The following RMND5A variants were observed in gnomAD, a reference collection of about 807,000 sequenced individuals.
RMND5A encodes E3 ubiquitin-protein transferase RMND5A.
A neutral mutation model predicts 49.7 loss-of-function variants in RMND5A; 17 were observed. The ratio of observed to expected loss-of-function variants is 0.34; its 90% CI spans 0.23 to 0.51. The LOEUF is 0.51. RMND5A is among the 20% of genes least tolerant of loss of function. RMND5A has a pLI of 0.96. For synonymous variants in RMND5A, 156 were observed against 167.7 expected (o/e 0.93, Z 0.54); for missense variants, 255 against 471.3 (o/e 0.54, Z 4.25).
intron 4 of RMND5A, among the ~76,000 whole-genome samples, chr2:86,759,267 G>T (rs768107731): frequency 5.3e-5 from 8 of 152,182 alleles, no homozygotes; most frequent in African/African-American, 1.4e-4. Context: ...AGGTAACTGT[G>T]TGCCAAGTCT....
intron 4 of RMND5A, among the ~76,000 whole-genome samples, chr2:86,754,551 T>C (rs1681695256): frequency 6.6e-6 from 1 of 152,180 alleles, no homozygotes; most frequent in Non-Finnish European, 1.5e-5. Flanking sequence ...GCTTAGTTTT[T>C]TCTTTCTAAT....
chr2:86,770,015 T>C lies in RMND5A; in HGVS notation c.855-8T>C. 1 of 1,610,808 alleles carries C rather than the reference T, an allele frequency of 6.2e-7. No homozygotes were observed. On this transcript the variant is annotated splice_polypyrimidine_tract_variant and splice_region_variant and intron_variant, in intron 6 of 8. Transcript: ENST00000283632. ...CTGGCACTGACGTTTCCTCTTCTGC[T>C]CTCCCAGTTTCTCAGCAGGTTGTGT...
chr2:86,760,997 TG>T (rs1672478983), intron 4 of RMND5A, among the ~76,000 whole-genome samples: 15 of 151,224 alleles, frequency 9.9e-5, no homozygotes, highest in Admixed American at 9.9e-4. Context: ...TGTGTGTGTG[TG>T]TGTGTGAATC....
chr2:86,754,295 C>A (rs1681692048), intron 4 of RMND5A, among the ~76,000 whole-genome samples: 1 of 152,210 alleles, frequency 6.6e-6, no homozygotes, highest in Non-Finnish European at 1.5e-5. Context: ...TTGCTGGCCC[C>A]AGTCCTAAAA....
intron 6 of RMND5A, among the ~76,000 whole-genome samples, chr2:86,767,078 T>G (rs900149318): frequency 6.6e-6 from 1 of 152,168 alleles, no homozygotes; most frequent in Admixed American, 6.5e-5. Context: ...TTTTCTTGCT[T>G]TTTTGAGATG....
At chr2:86,771,534 TA>T in intron 7 of RMND5A, 23 bp from the exon 8 acceptor site, 1 of 1,544,794 alleles carries the variant, frequency 6.5e-7, no homozygotes, top group Admixed American at 2.0e-5. Flanking sequence ...TCAGCTTTTT[TA>T]CTTTTTTTTT....
chr2:86,749,754 A>C (rs901673418), intron 2 of RMND5A, among the ~76,000 whole-genome samples: 3 of 152,202 alleles, frequency 2.0e-5, no homozygotes, highest in Admixed American at 1.3e-4. Flanking sequence ...GGAAATGAAT[A>C]AAAATTAAGA....
intron 7 of RMND5A, 125 bp from the exon 8 acceptor site, chr2:86,771,433 A>G (rs1672683429): frequency 2.7e-6 from 2 of 741,764 alleles, no homozygotes; most frequent in Admixed American, 5.8e-5. Flanking sequence ...GAAGAGTGCT[A>G]TAGAAAGTTA....
intron 8 of RMND5A, among the ~76,000 whole-genome samples, chr2:86,773,044 T>C (rs1672709047): frequency 6.6e-6 from 1 of 152,162 alleles, no homozygotes; most frequent in African/African-American, 2.4e-5. Flanking sequence ...ACCTAAACCT[T>C]TGGGAAAGAG....
intron 1 of RMND5A, among the ~76,000 whole-genome samples, chr2:86,728,215 A>T (rs537073163): frequency 0.014 from 1,226 of 85,970 alleles, 161 homozygotes; most frequent in Non-Finnish European, 0.024. Context: ...AATTGAGAAG[A>T]TGAATCTGTA....
intron 2 of RMND5A, among the ~76,000 whole-genome samples, chr2:86,743,802 A>G (rs1681490375): frequency 6.6e-6 from 1 of 151,922 alleles, no homozygotes; most frequent in African/African-American, 2.4e-5. Context: ...CTTGGCCAAT[A>G]TGGCAAACTC....
At position 86,752,120 on chromosome 2, in the gene RMND5A, C is replaced by T. The variant is rs993145090; in HGVS notation, c.420+90C>T. On this transcript the variant is annotated intron_variant, in intron 3 of 8. Transcript: ENST00000283632. ...TTTGCAGGGTGGGGTTTTGAGTCTT[C>T]CTCTAGCTATAGATAGATTTTTAAT... The T allele has an allele frequency of 3.5e-6, 4 of 1,154,034 alleles. No homozygotes were observed. In the African/African-American group the frequency reaches 6.2e-5, roughly 18 times the overall value. 71.5% of individuals were successfully genotyped at this position (1,154,034 alleles called of 1,614,324 possible). A position where few individuals can be genotyped will look rare whatever the true frequency, so the allele number is the denominator to read the frequency against.
At chr2:86,759,018 A>T (rs185321009) in intron 4 of RMND5A, among the ~76,000 whole-genome samples, 76 of 152,246 alleles carry the variant, frequency 5.0e-4, no homozygotes, top group African/African-American at 1.8e-3. Flanking sequence ...TTAGAAAAAG[A>T]GGTTTTTGTA....
intron 4 of RMND5A, among the ~76,000 whole-genome samples, chr2:86,757,305 C>G (rs1375033525): frequency 1.3e-5 from 2 of 151,838 alleles, no homozygotes; most frequent in Non-Finnish European, 2.9e-5. Flanking sequence ...TAATCAGGAC[C>G]TTGCCTGCTC....
intron 4 of RMND5A, among the ~76,000 whole-genome samples, chr2:86,761,208 G>T (rs191207705): frequency 1.4e-4 from 21 of 152,294 alleles, no homozygotes; most frequent in Admixed American, 1.4e-3. Flanking sequence ...AGATGTCAAG[G>T]ATTCATTAAG....
At chr2:86,758,870 A>G (rs1034679436) in intron 4 of RMND5A, among the ~76,000 whole-genome samples, 1 of 152,214 alleles carries the variant, frequency 6.6e-6, no homozygotes, top group African/African-American at 2.4e-5. Context: ...CAGGTTTGCC[A>G]TTCTCTGAAT....
chr2:86,744,095 C>T (rs916110563), intron 2 of RMND5A, among the ~76,000 whole-genome samples: 6 of 152,164 alleles, frequency 3.9e-5, no homozygotes, highest in Admixed American at 3.3e-4. Context: ...GCTCAGTTCC[C>T]TAGTATCTTT....
intron 1 of RMND5A, among the ~76,000 whole-genome samples, chr2:86,721,680 G>A (rs1438904117): frequency 2.0e-5 from 3 of 151,702 alleles, no homozygotes; most frequent in South Asian, 2.1e-4. Context: ...CACTTTAGAA[G>A]TCACAGCGAT....
chr2:86,763,275 TTAC>T (rs1237195436), intron 4 of RMND5A, among the ~76,000 whole-genome samples: 6 of 152,208 alleles, frequency 3.9e-5, no homozygotes, highest in African/African-American at 1.4e-4. Context: ...AAGAAAAATC[TTAC>T]TGCCTTTCCT....
Sources: allele counts gnomAD v4.1 joint callset (sites outside exome capture counted in the v4.1 genomes callset), GRCh38; gene constraint gnomAD v4.1.1; transcripts MANE v1.5; gene names NCBI Gene and HGNC (gene_info 2026-07-23, HGNC 2026-07-21).